The following GRIA3 variants were observed in gnomAD, a reference collection of about 807,000 sequenced individuals.
GRIA3 encodes glutamate receptor 3.
In GRIA3, 3 loss-of-function variants were observed where a neutral mutation model predicts 63.0. The observed-to-expected ratio is 0.05, with a 90% confidence interval of 0.02 to 0.12. The LOEUF is 0.12. Among genes scored for constraint, GRIA3 ranks in the 10% least tolerant of loss-of-function variants. GRIA3 has a pLI of 1.00. For missense variants in GRIA3, 347 were observed against 700.9 expected (o/e 0.50, Z 5.70); for synonymous variants, 274 against 257.9 (o/e 1.06, Z -0.60).
chrX:123,208,753 A>G (rs750515585), intron 2 of GRIA3, among the ~76,000 whole-genome samples: 93 of 112,145 alleles, frequency 8.3e-4, no homozygotes, highest in African/African-American at 2.9e-3. Flanking sequence ...AAGTAGTGGG[A>G]CATGTCTGTT....
chrX:123,455,555 T>G (rs2147423018), intron 12 of GRIA3, among the ~76,000 whole-genome samples: 1 of 112,119 alleles, frequency 8.9e-6, no homozygotes, highest in East Asian at 2.8e-4. Flanking sequence ...TGTATTTTTC[T>G]TCTTTTGCCT....
intron 4 of GRIA3, among the ~76,000 whole-genome samples, chrX:123,347,025 A>G (rs980819061): frequency 8.9e-6 from 1 of 112,047 alleles, no homozygotes; most frequent in African/African-American, 3.2e-5. Context: ...TACTCTCATC[A>G]TGGCTGATTT....
At chrX:123,357,430 A>T (rs1569424459) in intron 5 of GRIA3, among the ~76,000 whole-genome samples, 3 of 105,370 alleles carry the variant, frequency 2.8e-5, no homozygotes, top group South Asian at 4.5e-4. Context: ...AAACTTTTTT[A>T]TTTTTTTTAT....
chrX:123,387,784 A>T (rs964819313), intron 5 of GRIA3, among the ~76,000 whole-genome samples: 1 of 112,535 alleles, frequency 8.9e-6, no homozygotes, highest in Non-Finnish European at 1.9e-5. Context: ...GATAAATCCC[A>T]CTTGATCATG....
chrX:123,231,139 C>T (rs1360391102), intron 2 of GRIA3, among the ~76,000 whole-genome samples: 2 of 111,827 alleles, frequency 1.8e-5, no homozygotes, highest in Non-Finnish European at 3.8e-5. Context: ...TGTGACTATT[C>T]AAAACATTAG....
At chrX:123,211,353 T>C (rs1303214800) in intron 2 of GRIA3, among the ~76,000 whole-genome samples, 1 of 111,589 alleles carries the variant, frequency 9.0e-6, no homozygotes. Flanking sequence ...TCCCTTCTCC[T>C]AATTAAAAGG....
At position 123,253,376 on chromosome X, in the gene GRIA3, C is replaced by T. The variant is rs766567391; in HGVS notation, c.342C>T (p.Thr114=). 5.1e-5 allele frequency: 62 copies of T among 1,208,648 alleles called. No homozygotes were observed. The South Asian group carries it at 9.9e-4, about 19-fold the overall frequency. The change falls in exon 3 of 16, where the codon ACC becomes ACT. Residue 114 remains threonine (T), a synonymous_variant. Coordinates refer to ENST00000620443, the MANE Select transcript of GRIA3 (RefSeq NM_007325.5). ...ACCAGATGTCAATGAACACCCTGACCTCCTTCTGTGGGGCCCTGCACACAT... is the reference window on the plus strand; with the variant it reads ...ACCAGATGTCAATGAACACCCTGACTTCCTTCTGTGGGGCCCTGCACACAT... ...FYDQMSMNTL[T]SFCGALHTSF...
intron 5 of GRIA3, among the ~76,000 whole-genome samples, chrX:123,387,886 T>C (rs2045362393): frequency 8.9e-6 from 1 of 111,840 alleles, no homozygotes; most frequent in East Asian, 2.8e-4. Context: ...TTGCCTGTAG[T>C]TTTTTGTTGT....
chrX:123,464,637 G>T (rs917744519), intron 12 of GRIA3, among the ~76,000 whole-genome samples: 2 of 111,569 alleles, frequency 1.8e-5, no homozygotes, highest in Admixed American at 1.9e-4. Context: ...AAATGAATTA[G>T]AATAGAATAG....
intron 2 of GRIA3, among the ~76,000 whole-genome samples, chrX:123,187,913 T>C (rs1927322974): frequency 9.0e-6 from 1 of 111,432 alleles, no homozygotes; most frequent in African/African-American, 3.3e-5. Context: ...TTGCCTTACC[T>C]CTCAGGGCAA....
In GRIA3 at chrX:123,412,023, T is replaced by A. The variant is rs763060107; in HGVS notation, c.1501-5379T>A. Reference sequence around the variant, plus strand: ...CATCCATAATTCTTACCACTCTCTCTCCCAGCCTACAGCTGGCTTTCATAA... The same window carrying A: ...CATCCATAATTCTTACCACTCTCTCACCCAGCCTACAGCTGGCTTTCATAA... On this transcript the variant is annotated intron_variant, in intron 10 of 15. Transcript: ENST00000620443. Among the ~76,000 whole-genome samples, 5 of 111,658 alleles carry A rather than the reference T, an allele frequency of 4.5e-5. No homozygotes were observed. The South Asian group carries it at 1.9e-3, about 42-fold the overall frequency.
intron 4 of GRIA3, among the ~76,000 whole-genome samples, chrX:123,332,606 A>G (rs908568028): frequency 9.0e-6 from 1 of 111,389 alleles, no homozygotes. Context: ...CAATCAGAAT[A>G]GATTCAACCG....
intron 4 of GRIA3, among the ~76,000 whole-genome samples, chrX:123,334,114 C>G (rs1457515694): frequency 9.0e-6 from 1 of 111,315 alleles, no homozygotes; most frequent in Admixed American, 9.6e-5. Flanking sequence ...AAAAGCAAAA[C>G]CTATGGTTGG....
intron 5 of GRIA3, among the ~76,000 whole-genome samples, chrX:123,393,993 T>C (rs1297397445): frequency 8.9e-6 from 1 of 112,274 alleles, no homozygotes; most frequent in Non-Finnish European, 1.9e-5. Context: ...TTCACAAGGC[T>C]TAGGTGGCAG....
In GRIA3 at chrX:123,427,942, T is replaced by A; in HGVS notation, c.1879T>A (p.Ser627Thr). ...MQQGCDISPR[S>T]LSGRIVGGVW... The stretch of plus-strand genomic sequence containing the variant: ...ATTTGTTTTTGTTTTGTTTTATAGA[T>A]CACTCTCCGGGCGCATTGTTGGAGG... The change falls in exon 12 of 16, where the codon TCA (serine) becomes ACA (threonine). Residue 627 changes from serine (S) to threonine (T), a missense_variant and splice_region_variant. Physicochemically the swap from Ser to Thr is moderately conservative, Grantham distance 58 (BLOSUM62 1). Transcript: ENST00000620443. The A allele has an allele frequency of 8.4e-7, 1 of 1,191,838 alleles. No homozygotes were observed. The highest frequency in any genetic ancestry group is 1.1e-6 in the Non-Finnish European group (1 of 877,713).
At chrX:123,358,894 C>T (rs2045150578) in intron 5 of GRIA3, 1 of 111,075 alleles carries the variant, frequency 9.0e-6, no homozygotes. Context: ...AATGATAGCT[C>T]AGTTACTGTG....
chrX:123,342,803 A>G (rs2045017448), intron 4 of GRIA3, among the ~76,000 whole-genome samples: 1 of 111,820 alleles, frequency 8.9e-6, no homozygotes, highest in East Asian at 2.8e-4. Context: ...GATGCCCAGC[A>G]ACAAAGGAGA....
At chrX:123,231,071 G>A (rs1442365629) in intron 2 of GRIA3, among the ~76,000 whole-genome samples, 3 of 111,638 alleles carry the variant, frequency 2.7e-5, no homozygotes, top group Admixed American at 1.9e-4. Context: ...AAACCTACAC[G>A]GTCTGGTACC....
intron 12 of GRIA3, among the ~76,000 whole-genome samples, chrX:123,453,520 C>T (rs1304031811): frequency 9.1e-6 from 1 of 110,291 alleles, no homozygotes; most frequent in Non-Finnish European, 1.9e-5. Flanking sequence ...TGCACATGTA[C>T]CCTAGAACTG....
Sources: gnomAD v4.1 joint callset for allele counts (sites outside exome capture counted in the v4.1 genomes callset) on GRCh38, gnomAD v4.1.1 for gene constraint, MANE v1.5 for transcripts, NCBI Gene and HGNC (gene_info 2026-07-23, HGNC 2026-07-21) for gene names.